Variants in RPS6KA6 observed in about 807,000 individuals in gnomAD.
RPS6KA6 encodes ribosomal protein S6 kinase A6.
RPS6KA6 carries 27 observed loss-of-function variants against 65.4 expected under a neutral mutation model. That is an observed-to-expected ratio of 0.41 (90% confidence interval 0.30 to 0.57). The LOEUF (loss-of-function observed/expected upper bound fraction) is 0.57, where lower values mean the gene tolerates loss of function less well. Ranked by LOEUF, RPS6KA6 falls within the 20% of genes least tolerant of loss-of-function variation. RPS6KA6 has a pLI of 0.24. For missense variants in RPS6KA6, 486 were observed against 555.6 expected (o/e 0.87, Z 1.26); for synonymous variants, 190 against 184.2 (o/e 1.03, Z -0.26).
intron 1 of RPS6KA6, among the ~76,000 whole-genome samples, chrX:84,182,065 A>T (rs200377164): frequency 5.8e-4 from 40 of 68,789 alleles, no homozygotes; most frequent in African/African-American, 1.5e-3. Flanking sequence ...TCTCTCTCTC[A>T]CACACACACA....
At chrX:84,119,239 T>G (rs1398083917) in intron 9 of RPS6KA6, among the ~76,000 whole-genome samples, 1 of 111,886 alleles carries the variant, frequency 8.9e-6, no homozygotes, top group Non-Finnish European at 1.9e-5. Context: ...TAAGAGACAC[T>G]TAACATGCTG....
chrX:84,106,229 T>C (rs778595883), intron 15 of RPS6KA6, 136 bp downstream of exon 15: 17 of 557,100 alleles, frequency 3.1e-5, no homozygotes, highest in Non-Finnish European at 4.8e-5. Flanking sequence ...AAAATGAAAA[T>C]ATTAAGTCTC....
intron 1 of RPS6KA6, among the ~76,000 whole-genome samples, chrX:84,185,877 ACTT>A (rs1343298738): frequency 1.8e-5 from 2 of 112,157 alleles, no homozygotes; most frequent in Non-Finnish European, 3.8e-5. Context: ...AAACTTGTTT[ACTT>A]CTTATCAAAA....
chrX:84,162,384 C>A (rs2035528273), intron 2 of RPS6KA6, among the ~76,000 whole-genome samples: 1 of 111,566 alleles, frequency 9.0e-6, no homozygotes. Flanking sequence ...CCATCACACA[C>A]CCAAAGTACA....
At chrX:84,070,812 G>A (rs994584041) in intron 20 of RPS6KA6, among the ~76,000 whole-genome samples, 9 of 111,046 alleles carry the variant, frequency 8.1e-5, no homozygotes, top group African/African-American at 3.0e-4. Context: ...AAACCTAAAT[G>A]GTTATTGGAA....
intron 1 of RPS6KA6, among the ~76,000 whole-genome samples, chrX:84,185,484 G>A (rs1204736253): frequency 2.7e-5 from 3 of 111,591 alleles, no homozygotes; most frequent in Non-Finnish European, 5.6e-5. Flanking sequence ...TTTCCTGTGG[G>A]AAAACATGTT....
chrX:84,135,332 C>G (rs1007614569), intron 6 of RPS6KA6, 122 bp from the exon 7 acceptor site: 1 of 439,820 alleles, frequency 2.3e-6, no homozygotes, highest in African/African-American at 2.5e-5. Context: ...TAAGCACAGT[C>G]AATTCTTATT....
Position 84,062,517 on chromosome X carries a change from A to G in RPS6KA6, c.*1760T>C, listed in dbSNP as rs1390227703. On this transcript the variant is annotated 3_prime_UTR_variant, in exon 22 of 22. Coordinates refer to ENST00000262752, the MANE Select transcript of RPS6KA6 (RefSeq NM_014496.5). ...AAATGAGAAAAAAAGCCAAAATGGA[A>G]CATAAAAAGCCATAAGACATGATAC... 2.7e-5 allele frequency: 3 copies of G among 111,663 alleles called. No homozygotes were observed. The East Asian group carries it at 8.4e-4, about 31-fold the overall frequency. The allele number at this position is 111,663 out of a possible 1,213,427, so 9.2% of individuals were successfully genotyped here.
chrX:84,162,479 C>T (rs1405048434), intron 2 of RPS6KA6, among the ~76,000 whole-genome samples: 1 of 111,771 alleles, frequency 8.9e-6, no homozygotes, highest in Non-Finnish European at 1.9e-5. Context: ...CAAAATTTCA[C>T]ACTCTACCTT....
intron 20 of RPS6KA6, among the ~76,000 whole-genome samples, chrX:84,076,939 A>G (rs1263380057): frequency 8.9e-6 from 1 of 111,790 alleles, no homozygotes; most frequent in Non-Finnish European, 1.9e-5. Flanking sequence ...TCTAACATAC[A>G]AGATCAATAT....
intron 6 of RPS6KA6, among the ~76,000 whole-genome samples, chrX:84,140,751 A>ACC: frequency 9.6e-6 from 1 of 103,737 alleles, no homozygotes; most frequent in Admixed American, 1.1e-4. Flanking sequence ...AAAAAAAAAA[A>ACC]AACATACATA....
chrX:84,136,413 A>C (rs2034992814), intron 6 of RPS6KA6, among the ~76,000 whole-genome samples: 1 of 111,436 alleles, frequency 9.0e-6, no homozygotes, highest in African/African-American at 3.3e-5. Context: ...TGATATGCTA[A>C]CTACTTTTTA....
intron 12 of RPS6KA6, among the ~76,000 whole-genome samples, chrX:84,109,715 G>A (rs908893708): frequency 9.0e-6 from 1 of 110,642 alleles, no homozygotes; most frequent in Admixed American, 9.6e-5. Context: ...CTGCTTGAGA[G>A]TTCTGCCTGT....
chrX:84,097,945 T>C (rs933976386), intron 18 of RPS6KA6, 97 bp from the exon 19 acceptor site: 43 of 600,436 alleles, frequency 7.2e-5, no homozygotes, highest in Non-Finnish European at 9.6e-5. Context: ...CAAAAGTTCA[T>C]AATATAAAAA....
In RPS6KA6 at chrX:84,105,020, T is replaced by C. The variant is rs930953845; in HGVS notation, c.1456-363A>G. 8.1e-5 allele frequency among the ~76,000 whole-genome samples: 9 copies of C among 111,398 alleles called. 1 individual carries two copies. Among genetic ancestry groups the C allele is most frequent in the Admixed American group, 6.7e-4 (7 of 10,432 alleles). On this transcript the variant is annotated intron_variant, in intron 16 of 21. Coordinates refer to ENST00000262752, the MANE Select transcript of RPS6KA6 (RefSeq NM_014496.5). ...TTCTCTTCCCCAAACGTAAGCTTCTTTCTGAAAGTAAATACATTATTTATT... is the reference window on the plus strand; with the variant it reads ...TTCTCTTCCCCAAACGTAAGCTTCTCTCTGAAAGTAAATACATTATTTATT...
intron 20 of RPS6KA6, among the ~76,000 whole-genome samples, chrX:84,085,304 C>A (rs933460074): frequency 9.0e-6 from 1 of 111,542 alleles, no homozygotes; most frequent in Non-Finnish European, 1.9e-5. Flanking sequence ...CCAGCTTTTG[C>A]CCATTCAGTA....
chrX:84,130,422 C>G (rs1223866270), intron 8 of RPS6KA6, among the ~76,000 whole-genome samples: 2 of 111,676 alleles, frequency 1.8e-5, no homozygotes, highest in African/African-American at 6.5e-5. Flanking sequence ...AATATTACAA[C>G]CACTTTGGAA....
chrX:84,151,196 G>GAGATATAGATATATAGGATATATAT (rs775071769), intron 3 of RPS6KA6, among the ~76,000 whole-genome samples: 168 of 97,948 alleles, frequency 1.7e-3, no homozygotes, highest in African/African-American at 5.9e-3. Context: ...AGGATATATA[G>GAGATATAGATATATAGGATATATAT]AGATATAGAT....
At chrX:84,139,582 C>A (rs1210536901) in intron 6 of RPS6KA6, among the ~76,000 whole-genome samples, 2 of 111,846 alleles carry the variant, frequency 1.8e-5, no homozygotes, top group Non-Finnish European at 3.8e-5. Context: ...GTTCCTTTAT[C>A]ACAGCAAGTT....
Sources: gnomAD v4.1 joint callset for allele counts (sites outside exome capture counted in the v4.1 genomes callset) on GRCh38, gnomAD v4.1.1 for gene constraint, MANE v1.5 for transcripts, NCBI Gene and HGNC (gene_info 2026-07-23, HGNC 2026-07-21) for gene names.